The following SSH2 variants were observed in gnomAD, a reference collection of about 807,000 sequenced individuals.
SSH2 encodes slingshot protein phosphatase 2, also known as protein phosphatase Slingshot homolog 2.
Under a neutral mutation model 135.2 loss-of-function variants are expected in SSH2, and 37 were observed. The ratio of observed to expected loss-of-function variants is 0.27; its 90% CI spans 0.21 to 0.36. The LOEUF (loss-of-function observed/expected upper bound fraction) is 0.36. SSH2 is among the 10% of genes least tolerant of loss of function. SSH2 has a pLI of 1.00. For missense variants in SSH2, 1,408 were observed against 1,765.3 expected (o/e 0.80, Z 3.63); for synonymous variants, 628 against 646.2 (o/e 0.97, Z 0.43).
intron 3 of SSH2, among the ~76,000 whole-genome samples, chr17:29,771,146 A>G (rs1031887192): frequency 2.0e-5 from 3 of 152,230 alleles, no homozygotes; most frequent in Non-Finnish European, 2.9e-5. Context: ...GTCCTCTAGA[A>G]TTTATAATAT....
intron 1 of SSH2, among the ~76,000 whole-genome samples, chr17:29,865,404 T>C (rs961781827): frequency 3.9e-5 from 6 of 152,220 alleles, no homozygotes; most frequent in African/African-American, 1.4e-4. Flanking sequence ...CCCAGTTTCC[T>C]ATCCAGTCTA....
At chr17:29,737,621 G>A (rs2040414820) in intron 3 of SSH2, among the ~76,000 whole-genome samples, 1 of 152,206 alleles carries the variant, frequency 6.6e-6, no homozygotes, top group African/African-American at 2.4e-5. Context: ...TCTTCAACAA[G>A]TCATTTAATC....
chr17:29,911,845 T>G (rs553634453), intron 1 of SSH2, among the ~76,000 whole-genome samples: 1 of 152,360 alleles, frequency 6.6e-6, no homozygotes, highest in Admixed American at 6.5e-5. Flanking sequence ...GGTGACTCAC[T>G]AGTTAAATCT....
intron 2 of SSH2, among the ~76,000 whole-genome samples, chr17:29,796,545 T>C (rs1056866084): frequency 2.6e-5 from 4 of 151,938 alleles, no homozygotes; most frequent in Non-Finnish European, 4.4e-5. Flanking sequence ...TTTCTCCATG[T>C]TGGCCAGGCT....
At chr17:29,763,039 T>C (rs1039399853) in intron 3 of SSH2, among the ~76,000 whole-genome samples, 9 of 152,368 alleles carry the variant, frequency 5.9e-5, no homozygotes, top group African/African-American at 2.2e-4. Context: ...ATATTTATGC[T>C]CTTTTCCCAT....
At chr17:29,742,481 G>GTTTTT (rs35446491) in intron 3 of SSH2, among the ~76,000 whole-genome samples, 1 of 90,606 alleles carries the variant, frequency 1.1e-5, no homozygotes, top group Non-Finnish European at 2.0e-5. Context: ...ACCACACCCA[G>GTTTTT]TTTTTTTTTT....
intron 3 of SSH2, among the ~76,000 whole-genome samples, chr17:29,761,882 T>C (rs113771269): frequency 2.9e-5 from 4 of 136,572 alleles, no homozygotes; most frequent in Non-Finnish European, 6.3e-5. Context: ...TATATATATA[T>C]ATATATTTTT....
rs142162086 is a variant in SSH2 at position 29,631,240 on chromosome 17, A to C, written c.3954T>G (p.Pro1318=). ...GCATGCCTGAGTCTGTTCTGAGGAA[A>C]GGCTGAAGCAGTTTGAGATGAGGGG... is the stretch of plus-strand genomic sequence containing the variant. ...CESPHLKLLQ[P]FLRTDSGMHA... is the part of the protein sequence containing the mutation. The change falls in exon 16 of 16, where the codon CCT becomes CCG. Residue 1318 remains proline, a synonymous_variant. Coordinates refer to ENST00000540801, the MANE Select transcript of SSH2 (RefSeq NM_001282129.2). The C allele has an allele frequency of 8.1e-6, 13 of 1,613,952 alleles. No individual in the cohort carries two copies. In the African/African-American group the frequency reaches 1.5e-4, roughly 18 times the overall value.
Position 29,632,148 on chromosome 17 carries a change from T to C in SSH2, c.3046A>G (p.Thr1016Ala). 6.2e-7 allele frequency: 1 copy of C among 1,614,058 alleles called. No homozygotes were observed. Among genetic ancestry groups the C allele is most frequent in the African/African-American group, 1.3e-5 (1 of 75,024 alleles). The part of the protein sequence containing the change: ...QQEGVLKDLR[T>A]VIPYQESETQ... The stretch of plus-strand genomic sequence containing the variant: ...TCAGACTCCTGGTATGGAATCACAG[T>C]CCTCAGATCCTTCAGGACTCCTTCC... Residue 1016 changes from threonine (T) to alanine (A), a missense_variant, in exon 16 of 16, where the codon ACT (threonine) becomes GCT (alanine). Thr to Ala is a moderately conservative substitution (Grantham distance 58). Coordinates refer to ENST00000540801, the MANE Select transcript of SSH2 (RefSeq NM_001282129.2).
intron 4 of SSH2, among the ~76,000 whole-genome samples, chr17:29,701,213 C>T (rs1475488809): frequency 3.9e-5 from 6 of 151,940 alleles, no homozygotes; most frequent in African/African-American, 1.2e-4. Flanking sequence ...CCTTGTGATC[C>T]GCCCGTCTCA....
intron 3 of SSH2, among the ~76,000 whole-genome samples, chr17:29,703,732 C>G (rs1434090527): frequency 1.3e-5 from 2 of 152,242 alleles, no homozygotes; most frequent in East Asian, 3.9e-4. Flanking sequence ...GAGCGAGCCA[C>G]CACGACCAGC....
chr17:29,660,108 G>A (rs2036967437), intron 11 of SSH2, among the ~76,000 whole-genome samples: 2 of 151,554 alleles, frequency 1.3e-5, no homozygotes, highest in South Asian at 2.1e-4. Context: ...GATTACAGGC[G>A]TGAGCCACCA....
chr17:29,920,770 G>A (rs916895730), intron 1 of SSH2, among the ~76,000 whole-genome samples: 6 of 152,016 alleles, frequency 3.9e-5, no homozygotes, highest in East Asian at 1.9e-4. Context: ...CCTTATTGAC[G>A]GAAAAGTGAA....
At chr17:29,867,233 G>A (rs2065868870) in intron 1 of SSH2, among the ~76,000 whole-genome samples, 1 of 152,194 alleles carries the variant, frequency 6.6e-6, no homozygotes, top group Non-Finnish European at 1.5e-5. Flanking sequence ...CTCTGTGTGT[G>A]CTGAAAGCAT....
At chr17:29,661,491 A>G (rs1366565764) in intron 11 of SSH2, among the ~76,000 whole-genome samples, 1 of 152,182 alleles carries the variant, frequency 6.6e-6, no homozygotes, top group Non-Finnish European at 1.5e-5. Context: ...CCATTTAGGA[A>G]AAGGTCAGTG....
rs757752494 is a variant in SSH2 at position 29,631,220 on chromosome 17, C to A, written c.3974G>T (p.Gly1325Val). The A allele has an allele frequency of 1.9e-6, 3 of 1,614,034 alleles. No homozygotes were observed. Among genetic ancestry groups the A allele is most frequent in the Non-Finnish European group, 1.7e-6 (2 of 1,180,024 alleles). The stretch of plus-strand genomic sequence containing the variant: ...CTCTTGGTCCTCCATCGCGTGCATG[C>A]CTGAGTCTGTTCTGAGGAAAGGCTG... ...LLQPFLRTDS[G>V]MHAMEDQESL... is the part of the protein sequence containing the mutation. The change falls in exon 16 of 16, where the codon GGC (glycine) becomes GTC (valine). Residue 1325 changes from glycine (G) to valine (V), a missense_variant. By Grantham distance (109) the Gly-to-Val change is moderately radical (BLOSUM62 -3). Transcript: ENST00000540801.
intron 1 of SSH2, among the ~76,000 whole-genome samples, chr17:29,894,808 T>A (rs1192721603): frequency 1.3e-5 from 2 of 151,942 alleles, no homozygotes; most frequent in Non-Finnish European, 2.9e-5. Flanking sequence ...TTCTAGACCC[T>A]TCCTTCTCAA....
chr17:29,768,011 T>C (rs756649070), intron 3 of SSH2, among the ~76,000 whole-genome samples: 12 of 152,166 alleles, frequency 7.9e-5, no homozygotes, highest in Non-Finnish European at 1.6e-4. Context: ...GTAGATATTA[T>C]CAAACTGCCT....
intron 11 of SSH2, among the ~76,000 whole-genome samples, chr17:29,659,708 TTAG>T (rs1567852050): frequency 6.6e-6 from 1 of 152,138 alleles, no homozygotes; most frequent in Non-Finnish European, 1.5e-5. Context: ...TTTTGTATTT[TTAG>T]TAGAGACGGG....
Sources: gnomAD v4.1 joint callset for allele counts (sites outside exome capture counted in the v4.1 genomes callset) on GRCh38, gnomAD v4.1.1 for gene constraint, MANE v1.5 for transcripts, NCBI Gene and HGNC (gene_info 2026-07-23, HGNC 2026-07-21) for gene names.